LRRTM4: variants seen among roughly 807,000 people sequenced by gnomAD.
LRRTM4 encodes the protein leucine-rich repeat transmembrane neuronal protein 4.
A neutral mutation model predicts 47.6 loss-of-function variants in LRRTM4; 25 were observed. That is an observed-to-expected ratio of 0.53 (90% CI 0.38 to 0.73). The LOEUF (loss-of-function observed/expected upper bound fraction) is 0.73. Ranked by LOEUF, LRRTM4 falls within the 30% of genes least tolerant of loss-of-function variation. LRRTM4 has a pLI of 0.00. For missense variants in LRRTM4, 638 were observed against 713.4 expected (o/e 0.89, Z 1.20); for synonymous variants, 311 against 269.5 (o/e 1.15, Z -1.51).
intron 3 of LRRTM4, among the ~76,000 whole-genome samples, chr2:76,968,868 TCA>T (rs1248731524): frequency 6.6e-6 from 1 of 151,776 alleles, no homozygotes; most frequent in African/African-American, 2.4e-5. Context: ...TTTAAAGATT[TCA>T]CAGTCCCAGA....
At chr2:77,197,281 T>C (rs1376363726) in intron 3 of LRRTM4, among the ~76,000 whole-genome samples, 2 of 152,142 alleles carry the variant, frequency 1.3e-5, no homozygotes, top group Non-Finnish European at 2.9e-5. Context: ...TTTGTGAATA[T>C]TGAGGACATG....
At chr2:77,028,328 G>A (rs17013625) in intron 3 of LRRTM4, among the ~76,000 whole-genome samples, 7,120 of 152,210 alleles carry the variant, frequency 0.047, 584 homozygotes, top group African/African-American at 0.16. Flanking sequence ...TGGAAATCAA[G>A]TGTCAGAAAC....
chr2:77,013,716 A>G (rs968433261), intron 3 of LRRTM4, among the ~76,000 whole-genome samples: 2 of 152,292 alleles, frequency 1.3e-5, no homozygotes, highest in South Asian at 4.1e-4. Context: ...AATTTACACA[A>G]TCTCTTGGAC....
intron 3 of LRRTM4, among the ~76,000 whole-genome samples, chr2:76,900,169 G>A (rs1673574624): frequency 6.6e-6 from 1 of 152,084 alleles, no homozygotes; most frequent in Admixed American, 6.6e-5. Flanking sequence ...GGGAAGCACA[G>A]ATTGCAGTGA....
At chr2:77,292,788 G>A (rs1221380052) in intron 3 of LRRTM4, among the ~76,000 whole-genome samples, 7 of 151,064 alleles carry the variant, frequency 4.6e-5, no homozygotes, top group South Asian at 4.2e-4. Flanking sequence ...CATGGCACAT[G>A]TATACATATG....
intron 3 of LRRTM4, among the ~76,000 whole-genome samples, chr2:77,371,826 G>A (rs1362778179): frequency 6.6e-6 from 1 of 151,570 alleles, no homozygotes; most frequent in African/African-American, 2.4e-5. Flanking sequence ...TGTGCTCCAC[G>A]GTAAATGGTC....
chr2:77,158,556 G>C (rs2103801740), intron 3 of LRRTM4, among the ~76,000 whole-genome samples: 1 of 151,812 alleles, frequency 6.6e-6, no homozygotes, highest in South Asian at 2.1e-4. Flanking sequence ...GCAATATTCT[G>C]TTTTCTTATG....
At chr2:76,785,962 A>G (rs1256689181) in intron 3 of LRRTM4, among the ~76,000 whole-genome samples, 1 of 152,158 alleles carries the variant, frequency 6.6e-6, no homozygotes, top group East Asian at 1.9e-4. Context: ...AATCAATTGC[A>G]CTTGACGGAC....
chr2:77,047,607 G>A (rs1358471117), intron 3 of LRRTM4, among the ~76,000 whole-genome samples: 1 of 151,876 alleles, frequency 6.6e-6, no homozygotes, highest in Non-Finnish European at 1.5e-5. Context: ...GTGTGTTTCT[G>A]CTCCTAATCT....
chr2:76,831,423 A>G (rs1355275327), intron 3 of LRRTM4, among the ~76,000 whole-genome samples: 52 of 152,096 alleles, frequency 3.4e-4, no homozygotes, highest in Non-Finnish European at 1.5e-5. Flanking sequence ...ACCACCTGGT[A>G]TTGCTTTGGT....
chr2:77,004,306 T>G (rs1040699376), intron 3 of LRRTM4, among the ~76,000 whole-genome samples: 1 of 152,200 alleles, frequency 6.6e-6, no homozygotes, highest in Non-Finnish European at 1.5e-5. Flanking sequence ...ACCCCTGCTG[T>G]GTGCAGCCTA....
intron 3 of LRRTM4, among the ~76,000 whole-genome samples, chr2:77,352,418 A>G (rs1671818061): frequency 1.3e-5 from 2 of 152,110 alleles, no homozygotes; most frequent in South Asian, 4.1e-4. Context: ...GCCATTATTA[A>G]GTGATCCTCA....
intron 3 of LRRTM4, among the ~76,000 whole-genome samples, chr2:76,780,077 T>G (rs572120775): frequency 7.9e-4 from 121 of 152,354 alleles, no homozygotes; most frequent in African/African-American, 2.8e-3. Context: ...TTTATGAATG[T>G]TGAATATTGG....
intron 3 of LRRTM4, among the ~76,000 whole-genome samples, chr2:77,341,241 T>G (rs1208505576): frequency 2.0e-5 from 3 of 151,948 alleles, no homozygotes; most frequent in Non-Finnish European, 4.4e-5. Flanking sequence ...ATTTCTCTTC[T>G]CATGTTCAAA....
At chr2:77,092,352 GATTT>G (rs1572954022) in intron 3 of LRRTM4, among the ~76,000 whole-genome samples, 2 of 151,330 alleles carry the variant, frequency 1.3e-5, no homozygotes, top group East Asian at 4.0e-4. Context: ...GATCACACTT[GATTT>G]ATTGATGGTG....
At position 77,345,966 on chromosome 2, in the gene LRRTM4, T is replaced by C. The variant is rs193091641; in HGVS notation, c.1551+172352A>G. 1.2e-3 allele frequency among the ~76,000 whole-genome samples: 179 copies of C among 151,962 alleles called. 1 individual carries two copies. Among genetic ancestry groups the C allele is most frequent in the African/African-American group, 4.1e-3 (170 of 41,524 alleles). ...AACATTGAAAACAGTCCAAATACCC[T>C]TTCTGACTGAATGGATAAAACAAAC... On this transcript the variant is annotated intron_variant, in intron 3 of 3. Coordinates refer to ENST00000409884, the MANE Select transcript of LRRTM4 (RefSeq NM_001134745.3).
chr2:76,882,419 C>T (rs577383358), intron 3 of LRRTM4, among the ~76,000 whole-genome samples: 12 of 152,022 alleles, frequency 7.9e-5, no homozygotes, highest in East Asian at 7.7e-4. Context: ...AGGCCAGGCA[C>T]GGTGGCTCAC....
At chr2:77,150,734 A>G (rs953178832) in intron 3 of LRRTM4, among the ~76,000 whole-genome samples, 2 of 152,170 alleles carry the variant, frequency 1.3e-5, no homozygotes, top group Non-Finnish European at 2.9e-5. Flanking sequence ...GTGGTTGGAT[A>G]TTATTTTCCT....
intron 3 of LRRTM4, among the ~76,000 whole-genome samples, chr2:77,002,004 G>A (rs905453402): frequency 6.6e-6 from 1 of 152,052 alleles, no homozygotes; most frequent in African/African-American, 2.4e-5. Context: ...AAAAGCTTAT[G>A]TTAATAGGGC....
Sources: gnomAD v4.1 joint callset for allele counts (sites outside exome capture counted in the v4.1 genomes callset) on GRCh38, gnomAD v4.1.1 for gene constraint, MANE v1.5 for transcripts, NCBI Gene and HGNC (gene_info 2026-07-23, HGNC 2026-07-21) for gene names.